ORC4: variants seen among roughly 807,000 people sequenced by gnomAD.
ORC4 encodes origin recognition complex, subunit 4 homolog.
A neutral mutation model predicts 63.9 loss-of-function variants in ORC4; 55 were observed. The ratio of observed to expected loss-of-function variants is 0.86; its 90% CI spans 0.69 to 1.08. The LOEUF (loss-of-function observed/expected upper bound fraction) is 1.08. Ranked by LOEUF, ORC4 falls within the 50% of genes least tolerant of loss-of-function variation. ORC4 has a pLI of 0.00. For synonymous variants in ORC4, 150 were observed against 168.5 expected (o/e 0.89, Z 0.85); for missense variants, 511 against 504.4 (o/e 1.01, Z -0.13).
At chr2:147,943,083 T>G (rs1458059258) in intron 10 of ORC4, among the ~76,000 whole-genome samples, 1 of 152,138 alleles carries the variant, frequency 6.6e-6, no homozygotes, top group Admixed American at 6.6e-5. Context: ...TAGTAAGAGC[T>G]ATAAAATGCT....
In ORC4 at chr2:147,952,370, T is replaced by C; in HGVS notation, c.588+3A>G. On this transcript the variant is annotated splice_donor_region_variant and intron_variant, in intron 8 of 13. Coordinates refer to ENST00000392857, the MANE Select transcript of ORC4 (RefSeq NM_181741.4). ...AATTTTTTTAATGAACAGAAAGACT[T>C]ACCAATCTACATGTAAGACCAATAA... is the stretch of plus-strand genomic sequence containing the variant. 1 of 1,591,812 alleles carries C rather than the reference T, an allele frequency of 6.3e-7. No individual in the cohort carries two copies. The highest frequency in any genetic ancestry group is 1.7e-5 in the Admixed American group (1 of 59,796).
intron 1 of ORC4, among the ~76,000 whole-genome samples, chr2:148,005,656 CAAAAAAAAAAA>C (rs55869341): frequency 8.8e-3 from 452 of 51,510 alleles, no homozygotes; most frequent in East Asian, 0.021. Context: ...ACTATCCATG[CAAAAAAAAAAA>C]AAAAAAAAAA....
intron 4 of ORC4, among the ~76,000 whole-genome samples, chr2:147,971,136 T>C (rs890406840): frequency 3.3e-5 from 5 of 151,950 alleles, no homozygotes; most frequent in African/African-American, 1.2e-4. Flanking sequence ...GACCCTATTC[T>C]TGTAAGTAAG....
intron 4 of ORC4, among the ~76,000 whole-genome samples, chr2:147,964,576 C>T (rs1438677098): frequency 2.0e-5 from 3 of 152,048 alleles, no homozygotes; most frequent in African/African-American, 7.2e-5. Flanking sequence ...AATGGACATC[C>T]AAAGGAAGCT....
At chr2:147,991,050 C>CTTTTTTT (rs34841947) in intron 1 of ORC4, among the ~76,000 whole-genome samples, 1 of 134,050 alleles carries the variant, frequency 7.5e-6, no homozygotes, top group Non-Finnish European at 1.6e-5. Context: ...ACATATATAT[C>CTTTTTTT]TTTTTTTTTT....
intron 4 of ORC4, among the ~76,000 whole-genome samples, chr2:147,967,269 G>C (rs1287127639): frequency 6.6e-6 from 1 of 151,880 alleles, no homozygotes; most frequent in Non-Finnish European, 1.5e-5. Flanking sequence ...TGTAAGAACT[G>C]GAACAATACA....
At chr2:148,005,150 C>T (rs965775600) in intron 1 of ORC4, among the ~76,000 whole-genome samples, 5 of 152,124 alleles carry the variant, frequency 3.3e-5, no homozygotes, top group Admixed American at 2.6e-4. Context: ...AGACTTGGAA[C>T]CAATCCAAAT....
chr2:147,971,323 ATAATAT>A (rs1690197438), intron 4 of ORC4, among the ~76,000 whole-genome samples: 1 of 151,636 alleles, frequency 6.6e-6, no homozygotes, highest in Admixed American at 6.6e-5. Context: ...ATATTATGAA[ATAATAT>A]TAATAGTATG....
intron 7 of ORC4, among the ~76,000 whole-genome samples, chr2:147,955,141 T>G (rs562341987): frequency 1.2e-4 from 18 of 151,996 alleles, no homozygotes; most frequent in African/African-American, 4.1e-4. Context: ...GATCAGTATA[T>G]CATTGAATAA....
At chr2:147,985,890 A>G (rs553096484) in intron 1 of ORC4, among the ~76,000 whole-genome samples, 58 of 152,232 alleles carry the variant, frequency 3.8e-4, no homozygotes, top group African/African-American at 1.3e-3. Context: ...TTGACTCCCA[A>G]TCAGAGGTTG....
At chr2:147,940,314 T>G (rs939311713) in intron 10 of ORC4, among the ~76,000 whole-genome samples, 2 of 152,232 alleles carry the variant, frequency 1.3e-5, no homozygotes, top group African/African-American at 4.8e-5. Context: ...ATATTTGTAG[T>G]CTTTTATCCC....
intron 1 of ORC4, among the ~76,000 whole-genome samples, chr2:147,987,984 C>T (rs150232376): frequency 0.011 from 1,655 of 148,780 alleles, 37 homozygotes; most frequent in African/African-American, 0.039. Context: ...ACCCGGGAGG[C>T]GGAGCTTGCA....
rs1487686888 is a variant in ORC4, at chr2:147,938,294, T to G, written c.1054+4A>C. The G allele has an allele frequency of 6.3e-7, 1 of 1,597,518 alleles. No individual in the cohort carries two copies. The highest frequency in any genetic ancestry group is 1.7e-5 in the Admixed American group (1 of 59,970). On this transcript the variant is annotated splice_donor_region_variant and intron_variant, in intron 12 of 13. Coordinates refer to ENST00000392857, the MANE Select transcript of ORC4 (RefSeq NM_181741.4). ...AGAAAAAAGCTACTTAAGTCTCATC[T>G]CACCATTATAGACCATTTGAAAATT...
chr2:147,988,540 T>C (rs1558864520), intron 1 of ORC4, among the ~76,000 whole-genome samples: 1 of 151,948 alleles, frequency 6.6e-6, no homozygotes, highest in Non-Finnish European at 1.5e-5. Flanking sequence ...GCATTTTTAG[T>C]AGAGATGGGG....
Position 147,943,490 on chromosome 2 carries a change from TACTTCTTG to T in ORC4, c.787_794del (p.Gln263ThrfsTer45). The T allele has an allele frequency of 3.1e-6, 5 of 1,601,118 alleles. No individual in the cohort carries two copies. Among genetic ancestry groups the T allele is most frequent in the Non-Finnish European group, 4.3e-6 (5 of 1,169,682 alleles). ...TGCTGATATTGAAATGCTTCTGTAG[TACTTCTTG>T]CACACTTCTATCTTCTGAGAGATAC... On this transcript the variant is annotated frameshift_variant, in exon 10 of 14. Coordinates refer to ENST00000392857, the MANE Select transcript of ORC4 (RefSeq NM_181741.4). LOFTEE classifies it high-confidence loss of function.
At chr2:148,014,022 T>A (rs939020858) in intron 1 of ORC4, among the ~76,000 whole-genome samples, 1 of 152,096 alleles carries the variant, frequency 6.6e-6, no homozygotes, top group African/African-American at 2.4e-5. Flanking sequence ...GCTGAGCTAA[T>A]GGAAGATGTG....
Position 147,973,683 on chromosome 2 carries a change from T to C in ORC4, c.58-159A>G, listed in dbSNP as rs1378081. On this transcript the variant is annotated intron_variant, in intron 2 of 13. Transcript: ENST00000392857. The stretch of plus-strand genomic sequence containing the variant: ...CTAGAGTTCTGGCACCATTTTCATA[T>C]GTTAAAAAATTAATGGATTTCTTAC... Among the ~76,000 whole-genome samples, 151,493 of 152,312 alleles carry C rather than the reference T, an allele frequency of 0.99. 75,345 individuals carry two copies. The highest frequency in any genetic ancestry group is 1 in the Middle Eastern group (294 of 294).
At position 147,985,386 on chromosome 2, in the gene ORC4, C is replaced by T. The variant is rs200445964; in HGVS notation, c.-17-9411G>A. 7.9e-5 allele frequency among the ~76,000 whole-genome samples: 12 copies of T among 152,104 alleles called. No individual in the cohort carries two copies. In the East Asian group the frequency reaches 1.9e-3, roughly 25 times the overall value. On this transcript the variant is annotated intron_variant, in intron 1 of 13. Coordinates refer to ENST00000392857, the MANE Select transcript of ORC4 (RefSeq NM_181741.4). ...TAATTTTTTGTATTTTTAGTAGAGA[C>T]GGGGTTTCACCATGTTAGCCAGGAT...
At chr2:148,017,419 C>A (rs1022925722) in intron 1 of ORC4, among the ~76,000 whole-genome samples, 2 of 152,220 alleles carry the variant, frequency 1.3e-5, no homozygotes, top group Admixed American at 1.3e-4. Context: ...CGTCTGTGAT[C>A]CCATCACTTT....
Sources: allele counts gnomAD v4.1 joint callset (sites outside exome capture counted in the v4.1 genomes callset), GRCh38; gene constraint gnomAD v4.1.1; transcripts MANE v1.5; gene names NCBI Gene and HGNC (gene_info 2026-07-23, HGNC 2026-07-21).